NSMAF: variants seen among roughly 807,000 people sequenced by gnomAD.
NSMAF encodes the protein protein FAN.
Under a neutral mutation model 134.9 loss-of-function variants are expected in NSMAF, and 90 were observed. That is an observed-to-expected ratio of 0.67 (90% confidence interval 0.56 to 0.79). NSMAF has a LOEUF of 0.79. Among genes scored for constraint, NSMAF ranks in the 30% least tolerant of loss-of-function variants. NSMAF has a pLI of 0.00. For missense variants in NSMAF, 1,010 were observed against 1,119.0 expected (o/e 0.90, Z 1.39); for synonymous variants, 358 against 389.6 (o/e 0.92, Z 0.96).
chr8:58,630,109 A>T (rs867110039), intron 6 of NSMAF, among the ~76,000 whole-genome samples: 1 of 152,206 alleles, frequency 6.6e-6, no homozygotes, highest in Non-Finnish European at 1.5e-5. Context: ...TGTGGGACAG[A>T]GGATGGCCAG....
intron 2 of NSMAF, 91 bp downstream of exon 2, chr8:58,642,893 T>C (rs1024477483): frequency 7.8e-6 from 7 of 900,550 alleles, no homozygotes; most frequent in African/African-American, 6.7e-5. Context: ...ATTTTTTCTT[T>C]AGTTAACACC....
intron 1 of NSMAF, among the ~76,000 whole-genome samples, chr8:58,658,173 A>C (rs979773345): frequency 2.0e-5 from 3 of 152,234 alleles, no homozygotes; most frequent in Admixed American, 6.5e-5. Flanking sequence ...ACAGAGCACC[A>C]ACAAGTCTTA....
chr8:58,586,128 A>G, intron 28 of NSMAF, 128 bp from the exon 29 acceptor site: 1 of 759,638 alleles, frequency 1.3e-6, no homozygotes, highest in South Asian at 1.5e-5. Flanking sequence ...CTTGTACTTA[A>G]GCAATGACTA....
chr8:58,589,972 C>T (rs762511767), intron 25 of NSMAF, 35 bp downstream of exon 25: 50 of 1,580,468 alleles, frequency 3.2e-5, no homozygotes, highest in Admixed American at 5.0e-5. Flanking sequence ...CTATTCTGCA[C>T]GTCGAATCAC....
rs558231339 is a variant in NSMAF at position 58,590,766 on chromosome 8, A to G, written c.2019+101T>C. On this transcript the variant is annotated intron_variant, in intron 24 of 30. Coordinates refer to ENST00000038176, the MANE Select transcript of NSMAF (RefSeq NM_003580.4). ...TCTGGTAGATTTACTACACAGGAAT[A>G]AACTCAATTGTTTTGGGAGAAATAA... 8.0e-5 allele frequency: 98 copies of G among 1,228,986 alleles called. No individual in the cohort carries two copies. The East Asian group carries it at 2.9e-3, about 36-fold the overall frequency. 76.1% of individuals were successfully genotyped at this position (1,228,986 alleles called of 1,614,324 possible).
chr8:58,631,273 G>GT (rs1045617006), intron 6 of NSMAF: 8,306 of 313,898 alleles, frequency 0.026, 27 homozygotes, highest in African/African-American at 0.041. Context: ...TCATTTGGGT[G>GT]TTTTTTTTTT....
At chr8:58,657,142 C>A (rs1287440421) in intron 1 of NSMAF, among the ~76,000 whole-genome samples, 1 of 152,202 alleles carries the variant, frequency 6.6e-6, no homozygotes, top group African/African-American at 2.4e-5. Flanking sequence ...TCCATTTATT[C>A]TGCCACCACC....
chr8:58,606,644 T>C (rs1806417553), intron 11 of NSMAF, among the ~76,000 whole-genome samples: 1 of 152,148 alleles, frequency 6.6e-6, no homozygotes, highest in Non-Finnish European at 1.5e-5. Flanking sequence ...TACATTATTA[T>C]TATCTTATAA....
At chr8:58,635,674 G>C (rs1807158471) in intron 2 of NSMAF, 128 bp from the exon 3 acceptor site, 2 of 589,642 alleles carry the variant, frequency 3.4e-6, no homozygotes, top group Non-Finnish European at 6.0e-6. Context: ...TGCATATAAA[G>C]AGAACGTCTC....
At chr8:58,604,237 C>T (rs1183684935) in intron 12 of NSMAF, among the ~76,000 whole-genome samples, 2 of 151,942 alleles carry the variant, frequency 1.3e-5, no homozygotes, top group Admixed American at 1.3e-4. Context: ...TTTTGAAACC[C>T]CTCAGAAAAA....
chr8:58,621,211 T>C (rs1806780953), intron 9 of NSMAF, among the ~76,000 whole-genome samples: 1 of 152,164 alleles, frequency 6.6e-6, no homozygotes, highest in Non-Finnish European at 1.5e-5. Flanking sequence ...TAGTTTTCTA[T>C]TCCCACATTA....
chr8:58,586,435 GT>G lies in NSMAF; in HGVS notation c.2446+22del, dbSNP rs745747681. ...AATTCCAATTTACCTAGTATTATCT[GT>G]TTTAAAAAGGATAATATCTACCTGG... is the stretch of plus-strand genomic sequence containing the variant. On this transcript the variant is annotated intron_variant, in intron 28 of 30. Transcript: ENST00000038176. 3 of 1,584,948 alleles carry G rather than the reference GT, an allele frequency of 1.9e-6. No individual in the cohort carries two copies. In the East Asian group the frequency reaches 6.7e-5, roughly 35 times the overall value.
At chr8:58,624,532 T>C (rs1388257766) in intron 6 of NSMAF, among the ~76,000 whole-genome samples, 2 of 152,118 alleles carry the variant, frequency 1.3e-5, no homozygotes, top group African/African-American at 4.8e-5. Flanking sequence ...TTTGAGAGAA[T>C]GTTGTTTAAT....
chr8:58,639,938 A>G, intron 2 of NSMAF: 1 of 360,928 alleles, frequency 2.8e-6, no homozygotes, highest in Non-Finnish European at 5.5e-6. Flanking sequence ...AAAGAGTTTA[A>G]TTCAAAGAAG....
intron 12 of NSMAF, among the ~76,000 whole-genome samples, chr8:58,604,646 G>C (rs780016245): frequency 1.3e-5 from 2 of 151,610 alleles, no homozygotes; most frequent in Non-Finnish European, 2.9e-5. Flanking sequence ...CATTTCTAAG[G>C]GAAGATGTAC....
intron 2 of NSMAF, among the ~76,000 whole-genome samples, chr8:58,637,658 C>T (rs1807232776): frequency 6.6e-6 from 1 of 152,060 alleles, no homozygotes; most frequent in African/African-American, 2.4e-5. Flanking sequence ...CTGAAGAATA[C>T]AAAATCAATA....
intron 9 of NSMAF, among the ~76,000 whole-genome samples, chr8:58,614,639 C>A (rs1806615046): frequency 6.6e-6 from 1 of 152,198 alleles, no homozygotes; most frequent in South Asian, 2.1e-4. Context: ...GCTGGCCCAC[C>A]CCTTTGGAGA....
chr8:58,642,242 G>C (rs1186964490), intron 2 of NSMAF, among the ~76,000 whole-genome samples: 1 of 152,186 alleles, frequency 6.6e-6, no homozygotes, highest in Non-Finnish European at 1.5e-5. Context: ...AATTTCCTAA[G>C]TTATGGCTTA....
At chr8:58,626,052 C>G (rs546340109) in intron 6 of NSMAF, among the ~76,000 whole-genome samples, 2 of 149,604 alleles carry the variant, frequency 1.3e-5, no homozygotes, top group Admixed American at 6.7e-5. Context: ...TCACCACCCC[C>G]ATCCTTCCCC....
Sources: gnomAD v4.1 joint callset for allele counts (sites outside exome capture counted in the v4.1 genomes callset) on GRCh38, gnomAD v4.1.1 for gene constraint, MANE v1.5 for transcripts, NCBI Gene and HGNC (gene_info 2026-07-23, HGNC 2026-07-21) for gene names.